Variants in ZNF77 observed in about 807,000 individuals in gnomAD.
ZNF77 encodes the protein zinc finger protein 77.
ZNF77 carries 15 observed loss-of-function variants against 13.5 expected under a neutral mutation model. The observed-to-expected ratio is 1.11, with a 90% CI of 0.74 to 1.71. ZNF77 has a LOEUF of 1.71. Ranked by LOEUF, ZNF77 falls within the 40% of genes most tolerant of loss-of-function variation. ZNF77 has a pLI of 0.00. For missense variants in ZNF77, 717 were observed against 676.4 expected (o/e 1.06, Z -0.67); for synonymous variants, 282 against 250.0 (o/e 1.13, Z -1.21).
intron 3 of ZNF77, 140 bp downstream of exon 3, chr19:2,936,384 G>A: frequency 1.2e-6 from 1 of 837,378 alleles, no homozygotes; most frequent in Non-Finnish European, 1.7e-6. Flanking sequence ...ACTAACCTCA[G>A]GTGATCCACC....
At position 2,933,700 on chromosome 19, in the gene ZNF77, G is replaced by A; in HGVS notation, c.1427C>T (p.Ala476Val). The change falls in exon 4 of 4, where the codon GCT becomes GTT. Residue 476 changes from alanine to valine, a missense_variant. Ala to Val is a moderately conservative substitution (Grantham distance 64). Transcript: ENST00000314531. The part of the protein sequence containing the change: ...CNQCGKAFSH[A>V]QYFQKHVRSH... ...TCTCACATGCTTTTGAAAGTACTGAGCGTGGCTGAAGGCTTTCCCACATTG... is the reference window on the plus strand; with the variant it reads ...TCTCACATGCTTTTGAAAGTACTGAACGTGGCTGAAGGCTTTCCCACATTG... 1 of 1,611,882 alleles carries A rather than the reference G, an allele frequency of 6.2e-7. No homozygotes were observed. The highest frequency in any genetic ancestry group is 1.1e-5 in the South Asian group (1 of 90,960).
chr19:2,938,119 C>T (rs1049037750), intron 2 of ZNF77, among the ~76,000 whole-genome samples: 2 of 152,136 alleles, frequency 1.3e-5, no homozygotes, highest in African/African-American at 4.8e-5. Flanking sequence ...CCCACTCCTC[C>T]CGAGGGCTGC....
At chr19:2,939,698 C>T (rs2088432916) in intron 1 of ZNF77, 1 of 376,794 alleles carries the variant, frequency 2.7e-6, no homozygotes, top group African/African-American at 2.1e-5. Flanking sequence ...TAAGCTAAGG[C>T]TGGTGGCTCA....
chr19:2,941,721 T>C (rs556888076), intron 1 of ZNF77, among the ~76,000 whole-genome samples: 78 of 152,222 alleles, frequency 5.1e-4, no homozygotes, highest in Non-Finnish European at 3.4e-4. Flanking sequence ...TTCTCTGTAC[T>C]GTGGGTCGTA....
chr19:2,942,729 T>G (rs1443701201), intron 1 of ZNF77, among the ~76,000 whole-genome samples: 1 of 151,806 alleles, frequency 6.6e-6, no homozygotes, highest in African/African-American at 2.4e-5. Flanking sequence ...CCATACGACT[T>G]AGATAAGATT....
chr19:2,939,744 C>T (rs1000720075), intron 1 of ZNF77: 9 of 295,238 alleles, frequency 3.0e-5, no homozygotes, highest in Middle Eastern at 1.2e-3. Context: ...GGCTCAGGTG[C>T]GAGGATTGCT....
chr19:2,933,740 G>C lies in ZNF77; in HGVS notation c.1387C>G (p.Pro463Ala), dbSNP rs767141812. 7.4e-6 allele frequency: 12 copies of C among 1,612,748 alleles called. No homozygotes were observed. Among genetic ancestry groups the C allele is most frequent in the Non-Finnish European group, 1.0e-5 (12 of 1,178,906 alleles). The stretch of plus-strand genomic sequence containing the variant: ...TTCCCACATTGATTACATTCGTACG[G>C]TTTCTCTCCGCTGTGGGTTCGCACA... ...EHVRTHSGEK[P>A]YECNQCGKAF... The change falls in exon 4 of 4, where the codon CCG (proline) becomes GCG (alanine). Residue 463 changes from proline to alanine, a missense_variant. Coordinates refer to ENST00000314531, the MANE Select transcript of ZNF77 (RefSeq NM_021217.3).
chr19:2,941,196 G>T (rs866616192), intron 1 of ZNF77, among the ~76,000 whole-genome samples: 1 of 113,466 alleles, frequency 8.8e-6, no homozygotes, highest in African/African-American at 3.3e-5. Flanking sequence ...AAAAAAAAAA[G>T]GCTGGGTGAG....
At position 2,937,279 on chromosome 19, in the gene ZNF77, T is replaced by A. The variant is rs897385433; in HGVS notation, c.131-575A>T. Among the ~76,000 whole-genome samples, 3 of 151,780 alleles carry A rather than the reference T, an allele frequency of 2.0e-5. No homozygotes were observed. The East Asian group carries it at 5.8e-4, about 29-fold the overall frequency. ...CGGGTGGATCACCTGAGGTCAGGAGTTCGAAACCAGCCTGACCAACATGGT... is the reference window on the plus strand; with the variant it reads ...CGGGTGGATCACCTGAGGTCAGGAGATCGAAACCAGCCTGACCAACATGGT... On this transcript the variant is annotated intron_variant, in intron 2 of 3. Transcript: ENST00000314531.
Position 2,933,346 on chromosome 19 carries a change from G to T in ZNF77, c.*143C>A. On this transcript the variant is annotated 3_prime_UTR_variant, in exon 4 of 4. Transcript: ENST00000314531. ...AATACCATATTAATCATAATTAAGA[G>T]ATTTCTCTCCTACTCTGAATTTTTA... 3 of 969,870 alleles carry T rather than the reference G, an allele frequency of 3.1e-6. No individual in the cohort carries two copies. The highest frequency in any genetic ancestry group is 2.5e-5 in the East Asian group (1 of 39,884). 60.1% of individuals were successfully genotyped at this position (969,870 alleles called of 1,614,324 possible). A position where few individuals can be genotyped will look rare whatever the true frequency, so the allele number is the denominator to read the frequency against.
intron 1 of ZNF77, among the ~76,000 whole-genome samples, chr19:2,943,961 C>G (rs2088473857): frequency 6.6e-6 from 1 of 151,924 alleles, no homozygotes; most frequent in African/African-American, 2.4e-5. Context: ...CCGCCCGCCT[C>G]GGCCTCCCAA....
chr19:2,933,445 G>T lies in ZNF77; in HGVS notation c.*44C>A. ...TAACGTTTCTCACATTTACAACAAG[G>T]TTTTACGGTTGAACACTCTCCCAGG... is the stretch of plus-strand genomic sequence containing the variant. On this transcript the variant is annotated 3_prime_UTR_variant, in exon 4 of 4. Transcript: ENST00000314531. 2.0e-6 allele frequency: 3 copies of T among 1,505,164 alleles called. No homozygotes were observed. Among genetic ancestry groups the T allele is most frequent in the Non-Finnish European group, 2.7e-6 (3 of 1,127,912 alleles). 93.2% of individuals were successfully genotyped at this position (1,505,164 alleles called of 1,614,324 possible). A position where few individuals can be genotyped will look rare whatever the true frequency, so the allele number is the denominator to read the frequency against.
intron 1 of ZNF77, among the ~76,000 whole-genome samples, chr19:2,944,224 GC>G (rs1276283618): frequency 1.1e-5 from 1 of 94,648 alleles, no homozygotes; most frequent in Non-Finnish European, 2.1e-5. Flanking sequence ...CGCCTCTACT[GC>G]CCCCCTTAAA....
In ZNF77 at chr19:2,944,948, G is replaced by A; in HGVS notation, c.-108C>T. ...CCGCTCGGGGTAGGCGGGGAAGCGC[G>A]CAAGGCAGAGGGGAACTCGGCTTAC... On this transcript the variant is annotated 5_prime_UTR_variant, in exon 1 of 4. Coordinates refer to ENST00000314531, the MANE Select transcript of ZNF77 (RefSeq NM_021217.3). The A allele has an allele frequency of 2.9e-6, 4 of 1,386,660 alleles. No homozygotes were observed. The highest frequency in any genetic ancestry group is 2.8e-5 in the East Asian group (1 of 36,298). 85.9% of individuals were successfully genotyped at this position (1,386,660 alleles called of 1,614,324 possible). A position where few individuals can be genotyped will look rare whatever the true frequency, so the allele number is the denominator to read the frequency against.
intron 1 of ZNF77, among the ~76,000 whole-genome samples, chr19:2,944,063 A>G (rs2088474965): frequency 6.6e-6 from 1 of 151,726 alleles, no homozygotes; most frequent in African/African-American, 2.4e-5. Flanking sequence ...CCTCCTTGGC[A>G]GACCTTCCCA....
At chr19:2,938,813 A>G (rs373984203) in intron 2 of ZNF77, among the ~76,000 whole-genome samples, 2,664 of 152,100 alleles carry the variant, frequency 0.018, 33 homozygotes, top group Middle Eastern at 0.089. Context: ...AAAATTAGCC[A>G]GGCGTGGTGG....
chr19:2,944,930 G>A lies in ZNF77; in HGVS notation c.-90C>T. ...CACGACAGGACACCTGAGCCGCTCG[G>A]GGTAGGCGGGGAAGCGCGCAAGGCA... is the stretch of plus-strand genomic sequence containing the variant. On this transcript the variant is annotated 5_prime_UTR_variant, in exon 1 of 4. Transcript: ENST00000314531. The A allele has an allele frequency of 6.9e-7, 1 of 1,445,802 alleles. No individual in the cohort carries two copies. Among genetic ancestry groups the A allele is most frequent in the Non-Finnish European group, 9.1e-7 (1 of 1,098,364 alleles). The allele number at this position is 1,445,802 out of a possible 1,614,324, so 89.6% of individuals were successfully genotyped here. A position where few individuals can be genotyped will look rare whatever the true frequency, so the allele number is the denominator to read the frequency against.
Position 2,934,068 on chromosome 19 carries a change from T to C in ZNF77, c.1059A>G (p.Glu353=). The stretch of plus-strand genomic sequence containing the variant: ...TGAAGGCTTTGCCGCATTCCTTACA[T>C]TCATAGGGTTTCTCTCCACTGTGCG... ...GRTHSGEKPY[E]CKECGKAFRY... Residue 353 remains glutamate (E), a synonymous_variant, in exon 4 of 4, where the codon GAA becomes GAG. Coordinates refer to ENST00000314531, the MANE Select transcript of ZNF77 (RefSeq NM_021217.3). The C allele has an allele frequency of 6.2e-7, 1 of 1,614,090 alleles. No individual in the cohort carries two copies. Among genetic ancestry groups the C allele is most frequent in the Non-Finnish European group, 8.5e-7 (1 of 1,180,002 alleles).
At chr19:2,934,905 A>G (rs2088382564) in intron 3 of ZNF77, 90 bp from the exon 4 acceptor site, 5 of 1,476,544 alleles carry the variant, frequency 3.4e-6, no homozygotes, top group Non-Finnish European at 4.5e-6. Flanking sequence ...TGATTACATT[A>G]TTTGCCAATT....
Sources: allele counts gnomAD v4.1 joint callset (sites outside exome capture counted in the v4.1 genomes callset), GRCh38; gene constraint gnomAD v4.1.1; transcripts MANE v1.5; gene names NCBI Gene and HGNC (gene_info 2026-07-23, HGNC 2026-07-21).